The following PKD1L1 variants were observed in gnomAD, a reference collection of about 807,000 sequenced individuals.
PKD1L1 encodes the protein polycystin-1-like protein 1.
PKD1L1 carries 236 observed loss-of-function variants against 323.4 expected under a neutral mutation model. The observed-to-expected ratio is 0.73, with a 90% CI of 0.66 to 0.81. The LOEUF (loss-of-function observed/expected upper bound fraction) is 0.81, where lower values mean the gene tolerates loss of function less well. Among genes scored for constraint, PKD1L1 ranks in the 40% least tolerant of loss-of-function variants. The pLI is 0.00. For synonymous variants in PKD1L1, 1,344 were observed against 1,335.0 expected (o/e 1.01, Z -0.15); for missense variants, 3,320 against 3,508.0 (o/e 0.95, Z 1.35).
At chr7:47,829,652 T>C in intron 43 of PKD1L1, 51 bp from the exon 44 acceptor site, 1 of 1,521,558 alleles carries the variant, frequency 6.6e-7, no homozygotes, top group Non-Finnish European at 8.9e-7. Context: ...TCTGTGTTCA[T>C]TCCACACAGA....
rs1785634028 is a variant in PKD1L1 at position 47,844,981 on chromosome 7, GA to G, written c.5237+13del. On this transcript the variant is annotated intron_variant, in intron 33 of 56. Transcript: ENST00000289672. The stretch of plus-strand genomic sequence containing the variant: ...TAAAGTCTATGAAGTCTTTATGTAG[GA>G]AATGGAACTTACCTCTGTAGCTTGG... 1 of 1,605,122 alleles carries G rather than the reference GA, an allele frequency of 6.2e-7. No homozygotes were observed.
rs1787005227 is a variant in PKD1L1, at chr7:47,898,311, C to A, written c.2065-117G>T. 7.3e-6 allele frequency: 6 copies of A among 824,022 alleles called. No homozygotes were observed. The East Asian group carries it at 1.6e-4, about 22-fold the overall frequency. 51.0% of individuals were successfully genotyped at this position (824,022 alleles called of 1,614,324 possible). On this transcript the variant is annotated intron_variant, in intron 13 of 56. Transcript: ENST00000289672. ...CTCCCATTATTTGTTTGCATAGTGA[C>A]AGAATGGTATTCTTAGGTCTGGGCT...
chr7:47,931,050 T>C, intron 6 of PKD1L1, 54 bp downstream of exon 6: 1 of 1,556,174 alleles, frequency 6.4e-7, no homozygotes, highest in Non-Finnish European at 8.8e-7. Context: ...CATGGATGGT[T>C]CCAGACTGGG....
intron 13 of PKD1L1, among the ~76,000 whole-genome samples, chr7:47,900,209 G>A (rs774098394): frequency 6.6e-6 from 1 of 152,038 alleles, no homozygotes; most frequent in Non-Finnish European, 1.5e-5. Context: ...CCAATTTTTA[G>A]CTCATTCATG....
chr7:47,864,709 TC>T (rs976093685), intron 26 of PKD1L1, among the ~76,000 whole-genome samples: 2 of 122,952 alleles, frequency 1.6e-5, no homozygotes, highest in African/African-American at 6.1e-5. Flanking sequence ...TCCCTTCCCT[TC>T]CCTTCCTTTC....
In PKD1L1 at chr7:47,813,166, C is replaced by T. The variant is rs762724757; in HGVS notation, c.7301G>A (p.Gly2434Asp). The T allele has an allele frequency of 3.7e-6, 6 of 1,614,034 alleles. No individual in the cohort carries two copies. Among genetic ancestry groups the T allele is most frequent in the Admixed American group, 3.3e-5 (2 of 60,024 alleles). ...CACACAGTCCTCCCTTGTCCCACAG[C>T]CCCCAGGACCATTCAGGGTCACGTT... ...NQNVTLNGPGGCGTREDCVLS... is the reference protein window; with the variant it reads ...NQNVTLNGPGDCGTREDCVLS... Residue 2434 changes from glycine (G) to aspartate (D), a missense_variant, in exon 49 of 57, where the codon GGC (glycine) becomes GAC (aspartate). Physicochemically the swap from Gly to Asp is moderately conservative, Grantham distance 94 (BLOSUM62 -1). Transcript: ENST00000289672.
chr7:47,782,794 A>G (rs1786726182), intron 56 of PKD1L1, among the ~76,000 whole-genome samples: 1 of 152,182 alleles, frequency 6.6e-6, no homozygotes, highest in East Asian at 1.9e-4. Flanking sequence ...GGTCCTACTT[A>G]AAATCAATTA....
In PKD1L1 at chr7:47,839,063, C is replaced by T. The variant is rs1785514895; in HGVS notation, c.5769+383G>A. ...CTATCTCCTGCCATCCTGGACCTGA[C>T]CACATCTATACCACATCTGTAATTA... On this transcript the variant is annotated intron_variant, in intron 36 of 56. Transcript: ENST00000289672. The surrounding 1 kb of genome is among the most constrained non-coding windows in gnomAD (Gnocchi z 4.3). Among the ~76,000 whole-genome samples, 2 of 152,100 alleles carry T rather than the reference C, an allele frequency of 1.3e-5. No homozygotes were observed. The highest frequency in any genetic ancestry group is 4.8e-5 in the African/African-American group (2 of 41,392).
intron 46 of PKD1L1, chr7:47,817,961 T>C: frequency 1.9e-6 from 2 of 1,059,360 alleles, no homozygotes; most frequent in South Asian, 3.0e-5. Context: ...GAAGAAATGA[T>C]CTCTTATCCT....
Position 47,797,463 on chromosome 7 carries a change from C to G in PKD1L1, c.8194-1313G>C, listed in dbSNP as rs149928008. On this transcript the variant is annotated intron_variant, in intron 54 of 56. Transcript: ENST00000289672. ...AGAACTCTGCAAAGATGCTCAGGAG[C>G]CTGAAAGGGTAGGCCATTGGTGTGT... is the stretch of plus-strand genomic sequence containing the variant. Among the ~76,000 whole-genome samples, 403 of 152,346 alleles carry G rather than the reference C, an allele frequency of 2.6e-3. 5 individuals are homozygous for G. The highest frequency in any genetic ancestry group is 9.2e-3 in the African/African-American group (384 of 41,590).
rs1368625580 is a variant in PKD1L1 at position 47,931,137 on chromosome 7, C to T, written c.704G>A (p.Trp235Ter). The T allele has an allele frequency of 3.7e-6, 6 of 1,614,028 alleles. No individual in the cohort carries two copies. Among genetic ancestry groups the T allele is most frequent in the African/African-American group, 2.7e-5 (2 of 74,924 alleles). The change falls in exon 6 of 57, where the codon TGG becomes TAG. Residue 235 changes from tryptophan (W) to a stop codon, truncating the protein, a stop_gained. Transcript: ENST00000289672. LOFTEE classifies it high-confidence loss of function. The stretch of plus-strand genomic sequence containing the variant: ...AGAAGTGGGAAAATGTGAAATCGGC[C>T]ACAGGGGCACTCGCTGGGAGCTGGT... ...TQTSSQRVPL[W>*]PISHFPTSPR... is the part of the protein sequence containing the mutation.
chr7:47,830,450 A>G (rs1210117009), intron 42 of PKD1L1, among the ~76,000 whole-genome samples: 1 of 152,248 alleles, frequency 6.6e-6, no homozygotes, highest in African/African-American at 2.4e-5. Flanking sequence ...AGCAGCAACA[A>G]CAACAAAGCT....
chr7:47,886,662 C>G (rs752903807), intron 17 of PKD1L1, among the ~76,000 whole-genome samples: 23 of 152,142 alleles, frequency 1.5e-4, no homozygotes, highest in Non-Finnish European at 3.2e-4. Context: ...CCTTCTCTCA[C>G]CATGTAATAT....
chr7:47,887,783 T>G (rs967041021), intron 17 of PKD1L1, among the ~76,000 whole-genome samples: 1 of 152,172 alleles, frequency 6.6e-6, no homozygotes, highest in Non-Finnish European at 1.5e-5. Context: ...AAGCAGCCCT[T>G]GAGTGTGTCA....
chr7:47,816,859 T>TGGAGCCGACTCTTACTGTG (rs1306027854), intron 46 of PKD1L1, among the ~76,000 whole-genome samples: 1 of 152,206 alleles, frequency 6.6e-6, no homozygotes, highest in Non-Finnish European at 1.5e-5. Context: ...ACAGCAGGCC[T>TGGAGCCGACTCTTACTGTG]GGAGCCGACT....
intron 46 of PKD1L1, among the ~76,000 whole-genome samples, chr7:47,817,127 C>G (rs1785036159): frequency 6.6e-6 from 1 of 152,152 alleles, no homozygotes; most frequent in Non-Finnish European, 1.5e-5. Context: ...ATCCCAGCTA[C>G]TCAGGAAGCA....
At chr7:47,872,763 C>T (rs1238382291) in intron 24 of PKD1L1, among the ~76,000 whole-genome samples, 4 of 152,146 alleles carry the variant, frequency 2.6e-5, no homozygotes, top group Non-Finnish European at 5.9e-5. Flanking sequence ...GCAGCCACTA[C>T]GGAAAATAGT....
At chr7:47,882,383 C>T (rs978960485) in intron 19 of PKD1L1, among the ~76,000 whole-genome samples, 1 of 149,016 alleles carries the variant, frequency 6.7e-6, no homozygotes, top group Non-Finnish European at 1.5e-5. Flanking sequence ...AAATAGGAGA[C>T]ACAGCGTGAA....
intron 7 of PKD1L1, among the ~76,000 whole-genome samples, chr7:47,917,867 T>C (rs911426471): frequency 2.0e-5 from 3 of 152,026 alleles, no homozygotes; most frequent in Non-Finnish European, 4.4e-5. Context: ...TAGAACCTCT[T>C]TAAAGCATAA....
Sources: allele counts gnomAD v4.1 joint callset (sites outside exome capture counted in the v4.1 genomes callset), GRCh38; gene constraint gnomAD v4.1.1; non-coding constraint Gnocchi (gnomAD v3.1); transcripts MANE v1.5; gene names NCBI Gene and HGNC (gene_info 2026-07-23, HGNC 2026-07-21).